The following PGM5 variants were observed in gnomAD, a reference collection of about 807,000 sequenced individuals.
PGM5 encodes the protein phosphoglucomutase 5.
PGM5 carries 23 observed loss-of-function variants against 59.2 expected under a neutral mutation model. The ratio of observed to expected loss-of-function variants is 0.39; its 90% CI spans 0.28 to 0.55. The LOEUF (loss-of-function observed/expected upper bound fraction) is 0.55. Ranked by LOEUF, PGM5 falls within the 20% of genes least tolerant of loss-of-function variation. PGM5 has a pLI of 0.66. For synonymous variants in PGM5, 214 were observed against 286.0 expected, an observed-to-expected ratio of 0.75 and a Z score of 2.54; for missense variants, 574 against 748.3, an observed-to-expected ratio of 0.77 and a Z score of 2.72.
intron 6 of PGM5, among the ~76,000 whole-genome samples, chr9:68,417,284 T>A (rs1823049497): frequency 6.6e-6 from 1 of 152,186 alleles, no homozygotes; most frequent in South Asian, 2.1e-4. Flanking sequence ...GGAGGTCCCT[T>A]CATTGACAAT....
chr9:68,516,295 A>G (rs529477397), intron 10 of PGM5, among the ~76,000 whole-genome samples: 3 of 152,204 alleles, frequency 2.0e-5, no homozygotes, highest in Non-Finnish European at 4.4e-5. Flanking sequence ...TCCATCCTCT[A>G]GGAATGTTCT....
At chr9:68,504,482 A>T (rs1587222159) in intron 10 of PGM5, among the ~76,000 whole-genome samples, 1 of 151,272 alleles carries the variant, frequency 6.6e-6, no homozygotes, top group East Asian at 2.0e-4. Context: ...TTCTTTCTCC[A>T]CTCCAACCGC....
At chr9:68,477,809 G>A (rs1288138168) in intron 7 of PGM5, among the ~76,000 whole-genome samples, 1 of 152,166 alleles carries the variant, frequency 6.6e-6, no homozygotes, top group South Asian at 2.1e-4. Flanking sequence ...AACCCCATGG[G>A]GTAGGGGCTG....
At chr9:68,513,267 C>A (rs1554689519) in intron 10 of PGM5, among the ~76,000 whole-genome samples, 1 of 152,184 alleles carries the variant, frequency 6.6e-6, no homozygotes, top group African/African-American at 2.4e-5. Flanking sequence ...AGGTTGAACT[C>A]CATAGCTTTT....
intron 1 of PGM5, among the ~76,000 whole-genome samples, chr9:68,376,817 CTT>C (rs782088032): frequency 0.033 from 2,384 of 71,958 alleles, 75 homozygotes; most frequent in African/African-American, 0.048. Flanking sequence ...TTCTTTCTTT[CTT>C]TCTTTCTTTC....
At chr9:68,427,508 A>G (rs74590772) in intron 6 of PGM5, among the ~76,000 whole-genome samples, 1,567 of 152,290 alleles carry the variant, frequency 0.01, 33 homozygotes, top group African/African-American at 0.035. Flanking sequence ...ATCCAGCATC[A>G]TAAGGCCACC....
intron 9 of PGM5, 22 bp downstream of exon 9, chr9:68,484,070 C>T (rs10868912): frequency 0.045 from 73,066 of 1,606,988 alleles, 5,321 homozygotes; most frequent in East Asian, 0.41. Flanking sequence ...GAAATCACTA[C>T]AACGGGTTAT....
At chr9:68,510,112 G>T (rs1457838398) in intron 10 of PGM5, among the ~76,000 whole-genome samples, 1 of 151,184 alleles carries the variant, frequency 6.6e-6, no homozygotes, top group African/African-American at 2.4e-5. Context: ...AAGCTGGATG[G>T]CCTCTGATAC....
chr9:68,356,722 C>T lies in PGM5; in HGVS notation c.-406C>T, dbSNP rs1217369979. Among the ~76,000 whole-genome samples the T allele has an allele frequency of 6.6e-6, 1 of 152,154 alleles. No individual in the cohort carries two copies. The highest frequency in any genetic ancestry group is 1.5e-5 in the Non-Finnish European group (1 of 68,024). ...CTGGCGGAGGGTGTGCCCCGGAGGGCGGCGATCGCGGGTGAAGGCTGGGGC... is the reference window on the plus strand; with the variant it reads ...CTGGCGGAGGGTGTGCCCCGGAGGGTGGCGATCGCGGGTGAAGGCTGGGGC... On this transcript the variant is annotated 5_prime_UTR_variant, in exon 1 of 11. Coordinates refer to ENST00000396396, the MANE Select transcript of PGM5 (RefSeq NM_021965.4).
chr9:68,380,163 T>C (rs1374247460), intron 2 of PGM5, among the ~76,000 whole-genome samples: 3 of 152,090 alleles, frequency 2.0e-5, no homozygotes, highest in South Asian at 2.1e-4. Context: ...CTAGCATACA[T>C]AGAACATTCT....
chr9:68,441,529 A>G (rs1214007314), intron 6 of PGM5, among the ~76,000 whole-genome samples: 13 of 152,178 alleles, frequency 8.5e-5, no homozygotes, highest in Admixed American at 8.5e-4. Flanking sequence ...ACATGATTAC[A>G]TCAATTGAGG....
chr9:68,499,202 C>G, intron 9 of PGM5, 25 bp from the exon 10 acceptor site: 1 of 1,613,296 alleles, frequency 6.2e-7, no homozygotes, highest in Non-Finnish European at 8.5e-7. Context: ...GCTCACTGCT[C>G]CATTCTGGAT....
At chr9:68,473,392 G>T (rs1824053024) in intron 7 of PGM5, among the ~76,000 whole-genome samples, 2 of 152,170 alleles carry the variant, frequency 1.3e-5, no homozygotes, top group Non-Finnish European at 2.9e-5. Flanking sequence ...ACTCCTGAGG[G>T]CCACAGCATT....
chr9:68,466,155 GT>G (rs1554685794), intron 7 of PGM5: 1 of 1,297,766 alleles, frequency 7.7e-7, no homozygotes, highest in Non-Finnish European at 1.0e-6. Context: ...TTCTTCTTGT[GT>G]TTCAGTTTAG....
intron 7 of PGM5, among the ~76,000 whole-genome samples, chr9:68,472,643 A>C (rs1042452662): frequency 1.3e-5 from 2 of 152,214 alleles, no homozygotes; most frequent in Non-Finnish European, 2.9e-5. Context: ...CTACATACTA[A>C]AGAGGCATTC....
At chr9:68,387,096 A>G (rs1822240375) in intron 3 of PGM5, among the ~76,000 whole-genome samples, 1 of 151,968 alleles carries the variant, frequency 6.6e-6, no homozygotes, top group Non-Finnish European at 1.5e-5. Flanking sequence ...TGGATATGCC[A>G]AAATGCCTCT....
chr9:68,428,132 A>C (rs559919468), intron 6 of PGM5, among the ~76,000 whole-genome samples: 68 of 152,336 alleles, frequency 4.5e-4, no homozygotes, highest in African/African-American at 1.6e-3. Context: ...ACACACTTGA[A>C]CTTATAAACA....
intron 6 of PGM5, among the ~76,000 whole-genome samples, chr9:68,443,392 T>C (rs1823558336): frequency 6.6e-6 from 1 of 152,158 alleles, no homozygotes; most frequent in South Asian, 2.1e-4. Flanking sequence ...TGAGGGAGTT[T>C]CTGTGGTTGA....
Position 68,378,211 on chromosome 9 carries a change from A to T in PGM5, c.274A>T (p.Ile92Phe). 2 of 1,556,814 alleles carry T rather than the reference A, an allele frequency of 1.3e-6. No individual in the cohort carries two copies. Among genetic ancestry groups the T allele is most frequent in the South Asian group, 2.4e-5 (2 of 83,332 alleles). Residue 92 changes from isoleucine (I) to phenylalanine (F), a missense_variant, in exon 2 of 11, where the codon ATT (isoleucine) becomes TTT (phenylalanine). By Grantham distance (21) the Ile-to-Phe change is conservative (BLOSUM62 0). Around this residue, in one of 7 missense-constraint regions of PGM5, gnomAD observed 61 missense variants for 133.3 expected, o/e 0.46. Transcript: ENST00000396396. ...MAAANGIGRL[I>F]IGQNGILSTP... The stretch of plus-strand genomic sequence containing the variant: ...TTGGATGGTTTAGATTGGACGACTG[A>T]TTATTGGACAGAATGGCATCTTGTC...
Sources: allele counts gnomAD v4.1 joint callset (sites outside exome capture counted in the v4.1 genomes callset), GRCh38; gene constraint gnomAD v4.1.1; regional missense constraint gnomAD v4.1.1; transcripts MANE v1.5; gene names NCBI Gene and HGNC (gene_info 2026-07-23, HGNC 2026-07-21).